INPP4B: variants seen among roughly 807,000 people sequenced by gnomAD.
The protein encoded by INPP4B is inositol polyphosphate-4-phosphatase type II B.
In INPP4B, 55 loss-of-function variants were observed where a neutral mutation model predicts 122.5. The ratio of observed to expected loss-of-function variants is 0.45; its 90% CI spans 0.36 to 0.56. The LOEUF (loss-of-function observed/expected upper bound fraction) is 0.56. INPP4B is among the 20% of genes least tolerant of loss of function. The probability of loss-of-function intolerance (pLI) is 0.00; values close to 1 mark genes in which losing one functional copy is unlikely to be tolerated. For synonymous variants in INPP4B, 403 were observed against 388.7 expected, an observed-to-expected ratio of 1.04 and a Z score of -0.43; for missense variants, 1,000 against 1,097.7, an observed-to-expected ratio of 0.91 and a Z score of 1.26.
intron 5 of INPP4B, among the ~76,000 whole-genome samples, chr4:142,416,663 G>C (rs1286991896): frequency 6.6e-6 from 1 of 152,096 alleles, no homozygotes; most frequent in Non-Finnish European, 1.5e-5. Flanking sequence ...TCATTTTGTT[G>C]TCTCCATCTA....
intron 1 of INPP4B, among the ~76,000 whole-genome samples, chr4:142,779,767 G>A (rs984717083): frequency 1.3e-5 from 2 of 152,036 alleles, no homozygotes; most frequent in African/African-American, 2.4e-5. Flanking sequence ...ATAAAGGGAG[G>A]AAAGGAATGA....
intron 25 of INPP4B, among the ~76,000 whole-genome samples, chr4:142,066,956 A>ACGGG (rs1763872608): frequency 6.6e-6 from 1 of 152,168 alleles, no homozygotes; most frequent in Admixed American, 6.5e-5. Flanking sequence ...TCCTTGTCTG[A>ACGGG]TGGGTTTGAA....
intron 25 of INPP4B, among the ~76,000 whole-genome samples, chr4:142,072,082 C>A (rs370325255): frequency 1.2e-3 from 190 of 152,232 alleles, no homozygotes; most frequent in African/African-American, 4.2e-3. Context: ...GACTTGGAAC[C>A]AACCCAAAAG....
Position 142,821,163 on chromosome 4 carries a change from T to G in INPP4B, c.-254+25046A>C, listed in dbSNP as rs551249868. ...CCTCTTGAGAACTTGGTCAATTGCT[T>G]CTTTATTTTTAGTTCACATTTTTAG... On this transcript the variant is annotated intron_variant, in intron 1 of 25. Transcript: ENST00000262992. 2.0e-5 allele frequency among the ~76,000 whole-genome samples: 3 copies of G among 152,268 alleles called. No homozygotes were observed. In the South Asian group the frequency reaches 6.2e-4, roughly 32 times the overall value.
intron 1 of INPP4B, among the ~76,000 whole-genome samples, chr4:142,771,400 T>C (rs567137726): frequency 1.1e-4 from 17 of 152,236 alleles, no homozygotes; most frequent in South Asian, 1.0e-3. Context: ...CTGGCAAATG[T>C]ATGGAGAACC....
At chr4:142,715,986 T>G (rs56293642) in intron 2 of INPP4B, among the ~76,000 whole-genome samples, 5,745 of 152,236 alleles carry the variant, frequency 0.038, 125 homozygotes, top group African/African-American at 0.051. Context: ...CTGGACTTTC[T>G]CACAACATGA....
intron 12 of INPP4B, among the ~76,000 whole-genome samples, chr4:142,211,519 G>A (rs1025917047): frequency 1.3e-5 from 2 of 152,126 alleles, no homozygotes; most frequent in African/African-American, 2.4e-5. Flanking sequence ...CCACAAGGAA[G>A]TAAAAAAATA....
At chr4:142,086,808 C>T (rs1777061464) in intron 23 of INPP4B, among the ~76,000 whole-genome samples, 1 of 152,128 alleles carries the variant, frequency 6.6e-6, no homozygotes, top group Non-Finnish European at 1.5e-5. Context: ...TCAAGTGGTC[C>T]TACAGTACTA....
At chr4:142,401,528 T>C (rs949777926) in intron 7 of INPP4B, among the ~76,000 whole-genome samples, 3 of 152,202 alleles carry the variant, frequency 2.0e-5, no homozygotes, top group Non-Finnish European at 1.5e-5. Flanking sequence ...AGAAAATTAT[T>C]TTGGTTAATA....
Position 142,145,860 on chromosome 4 carries a change from G to A in INPP4B, c.1700C>T (p.Ala567Val). 1 of 1,613,602 alleles carries A rather than the reference G, an allele frequency of 6.2e-7. No individual in the cohort carries two copies. The highest frequency in any genetic ancestry group is 8.5e-7 in the Non-Finnish European group (1 of 1,179,680). The part of the protein sequence containing the change: ...DGEKEPSLTD[A>V]IPSHPREDWY... Reference sequence around the variant, plus strand: ...CTTACCTCTTGGGTGAGAGGGAATGGCATCTGTTAATGAAGGTTCCTTTTC... The same window carrying A: ...CTTACCTCTTGGGTGAGAGGGAATGACATCTGTTAATGAAGGTTCCTTTTC... Residue 567 changes from alanine to valine, a missense_variant, in exon 18 of 26, where the codon GCC (alanine) becomes GTC (valine). Transcript: ENST00000262992.
chr4:142,158,141 CA>C (rs1818188741), intron 17 of INPP4B, among the ~76,000 whole-genome samples: 1 of 152,098 alleles, frequency 6.6e-6, no homozygotes, highest in East Asian at 1.9e-4. Context: ...ATAATAATCA[CA>C]GGCACAAACA....
intron 1 of INPP4B, among the ~76,000 whole-genome samples, chr4:142,755,997 A>G (rs908544607): frequency 2.6e-5 from 4 of 151,988 alleles, no homozygotes; most frequent in African/African-American, 9.7e-5. Flanking sequence ...CAATGGCCTT[A>G]TCTCTAGATC....
rs548512516 is a variant in INPP4B, at chr4:142,114,096, T to C, written c.2136-1414A>G. On this transcript the variant is annotated intron_variant, in intron 21 of 25. Coordinates refer to ENST00000262992, the MANE Select transcript of INPP4B (RefSeq NM_001101669.3). ...TCTTTTCTATCTGGCCTTTTTCACC[T>C]AGCATAATGTTTTTGAAGTCATCCA... 8.5e-5 allele frequency among the ~76,000 whole-genome samples: 13 copies of C among 152,180 alleles called. No homozygotes were observed. The South Asian group carries it at 2.5e-3, about 29-fold the overall frequency.
chr4:142,045,988 A>G (rs1173997196), intron 25 of INPP4B, among the ~76,000 whole-genome samples: 1 of 151,996 alleles, frequency 6.6e-6, no homozygotes, highest in Non-Finnish European at 1.5e-5. Flanking sequence ...CAATAAATTG[A>G]TCTGGGAAAG....
chr4:142,571,353 A>G (rs1324536304), intron 2 of INPP4B, among the ~76,000 whole-genome samples: 1 of 152,172 alleles, frequency 6.6e-6, no homozygotes, highest in Non-Finnish European at 1.5e-5. Flanking sequence ...ACATGTATAC[A>G]GTGAAATGAT....
intron 25 of INPP4B, among the ~76,000 whole-genome samples, chr4:142,061,378 A>C (rs1024867950): frequency 9.9e-5 from 15 of 152,174 alleles, no homozygotes; most frequent in African/African-American, 3.6e-4. Flanking sequence ...TACCATTAGC[A>C]AAAAAAGTTA....
chr4:142,376,647 G>A (rs1405581288), intron 7 of INPP4B, among the ~76,000 whole-genome samples: 1 of 151,924 alleles, frequency 6.6e-6, no homozygotes, highest in African/African-American at 2.4e-5. Flanking sequence ...CTCCAAGTAT[G>A]GTTATCATCA....
intron 2 of INPP4B, among the ~76,000 whole-genome samples, chr4:142,631,283 T>C (rs1747893602): frequency 6.6e-6 from 1 of 152,094 alleles, no homozygotes; most frequent in African/African-American, 2.4e-5. Context: ...AACTAGTAAG[T>C]ATGATAATTA....
At chr4:142,143,630 T>TA (rs907433525) in intron 18 of INPP4B, among the ~76,000 whole-genome samples, 25 of 152,088 alleles carry the variant, frequency 1.6e-4, no homozygotes, top group Non-Finnish European at 2.8e-4. Flanking sequence ...CACATTGATA[T>TA]AAAAAATGGA....
Sources: gnomAD v4.1 joint callset for allele counts (sites outside exome capture counted in the v4.1 genomes callset) on GRCh38, gnomAD v4.1.1 for gene constraint, MANE v1.5 for transcripts, NCBI Gene and HGNC (gene_info 2026-07-23, HGNC 2026-07-21) for gene names.